MSH3: variants seen among roughly 807,000 people sequenced by gnomAD.
MSH3 encodes DNA mismatch repair protein Msh3.
In MSH3, 106 loss-of-function variants were observed where a neutral mutation model predicts 123.3. That is an observed-to-expected ratio of 0.86 (90% CI 0.73 to 1.01). MSH3 has a LOEUF of 1.01. Among genes scored for constraint, MSH3 ranks in the 50% least tolerant of loss-of-function variants. The probability of loss-of-function intolerance (pLI) is 0.00; values close to 1 mark genes in which losing one functional copy is unlikely to be tolerated. For synonymous variants in MSH3, 515 were observed against 481.4 expected (o/e 1.07, Z -0.91); for missense variants, 1,459 against 1,347.6 (o/e 1.08, Z -1.29).
intron 21 of MSH3, 116 bp from the exon 22 acceptor site, chr5:80,864,697 A>G (rs1055390454): frequency 2.3e-6 from 2 of 862,150 alleles, no homozygotes; most frequent in Admixed American, 2.2e-5. Context: ...TGGTCGTTGT[A>G]CTTTTCTTGT....
chr5:80,687,899 T>A (rs1750128910), intron 8 of MSH3, among the ~76,000 whole-genome samples: 1 of 152,022 alleles, frequency 6.6e-6, no homozygotes, highest in Non-Finnish European at 1.5e-5. Flanking sequence ...AAGAATCAGA[T>A]CAAGGAGCTT....
At chr5:80,746,452 G>T in intron 12 of MSH3, 1 of 489,928 alleles carries the variant, frequency 2.0e-6, no homozygotes. Context: ...CTCCTTGATT[G>T]TATTGGCAAC....
intron 8 of MSH3, among the ~76,000 whole-genome samples, chr5:80,691,787 A>T (rs1398040579): frequency 1.5e-5 from 1 of 66,612 alleles, no homozygotes; most frequent in East Asian, 3.7e-4. Flanking sequence ...ATATGTTTAT[A>T]TATTTATATA....
chr5:80,792,097 CAT>C (rs1237597644), intron 18 of MSH3, among the ~76,000 whole-genome samples: 1 of 152,138 alleles, frequency 6.6e-6, no homozygotes, highest in Non-Finnish European at 1.5e-5. Context: ...AAGTCCAACA[CAT>C]AGTTTATATT....
At chr5:80,660,347 T>C (rs1429059202) in intron 2 of MSH3, among the ~76,000 whole-genome samples, 2 of 152,140 alleles carry the variant, frequency 1.3e-5, no homozygotes, top group African/African-American at 2.4e-5. Flanking sequence ...ATGAGACTTA[T>C]TCACTATCAT....
At chr5:80,704,256 C>G (rs1226597542) in intron 8 of MSH3, among the ~76,000 whole-genome samples, 6 of 152,186 alleles carry the variant, frequency 3.9e-5, no homozygotes, top group Non-Finnish European at 8.8e-5. Flanking sequence ...ACTGTCCGTC[C>G]CTGCTCAGTC....
chr5:80,667,735 A>G (rs1332254509), intron 3 of MSH3, among the ~76,000 whole-genome samples: 1 of 152,196 alleles, frequency 6.6e-6, no homozygotes, highest in Non-Finnish European at 1.5e-5. Flanking sequence ...ACCAGGGAAC[A>G]CAGTGGCGCC....
chr5:80,854,145 C>A lies in MSH3; in HGVS notation c.2829C>A (p.Asp943Glu). 1 of 1,613,322 alleles carries A rather than the reference C, an allele frequency of 6.2e-7. No homozygotes were observed. Among genetic ancestry groups the A allele is most frequent in the Non-Finnish European group, 8.5e-7 (1 of 1,179,596 alleles). Residue 943 changes from aspartate (D) to glutamate (E), a missense_variant, in exon 21 of 24, where the codon GAC becomes GAA. Physicochemically the swap from Asp to Glu is conservative, Grantham distance 45. Coordinates refer to ENST00000265081, the MANE Select transcript of MSH3 (RefSeq NM_002439.5). ...TTGCTTGTAGGATGGGTGCTGCAGA[C>A]AATATATATAAAGGACAGAGTACAT... is the stretch of plus-strand genomic sequence containing the variant. ...DGIFTRMGAA[D>E]NIYKGQSTFM...
intron 15 of MSH3, among the ~76,000 whole-genome samples, chr5:80,770,278 T>TC (rs1171260153): frequency 1.3e-5 from 2 of 152,054 alleles, no homozygotes; most frequent in Non-Finnish European, 2.9e-5. Context: ...ACATTTTTTT[T>TC]TTTTTTTTTA....
intron 18 of MSH3, among the ~76,000 whole-genome samples, chr5:80,791,061 A>G (rs949324746): frequency 1.3e-5 from 2 of 152,212 alleles, no homozygotes; most frequent in Non-Finnish European, 2.9e-5. Flanking sequence ...ATATTTGGTG[A>G]CAAGAACCTG....
chr5:80,670,143 G>A lies in MSH3; in HGVS notation c.626G>A (p.Ser209Asn). The change falls in exon 4 of 24, where the codon AGT (serine) becomes AAT (asparagine). Residue 209 changes from serine (S) to asparagine (N), a missense_variant. Ser to Asn is a conservative substitution (Grantham distance 46). Coordinates refer to ENST00000265081, the MANE Select transcript of MSH3 (RefSeq NM_002439.5). ...AGTCAGTTTGGATCATCAAATACAAGTCATGAAAATTTACAGAAAACTGCT... is the reference window on the plus strand; with the variant it reads ...AGTCAGTTTGGATCATCAAATACAAATCATGAAAATTTACAGAAAACTGCT... ...DLSQFGSSNT[S>N]HENLQKTASK... 1.9e-6 allele frequency: 3 copies of A among 1,614,116 alleles called. No homozygotes were observed. The highest frequency in any genetic ancestry group is 2.5e-6 in the Non-Finnish European group (3 of 1,180,008).
Position 80,876,373 on chromosome 5 carries a change from TA to T in MSH3, c.*512del. 5.5e-6 allele frequency: 1 copy of T among 180,902 alleles called. No homozygotes were observed. The highest frequency in any genetic ancestry group is 1.2e-5 in the Non-Finnish European group (1 of 85,336). 11.2% of individuals were successfully genotyped at this position (180,902 alleles called of 1,614,324 possible). ...ATCCCAGCACTTTGGGAGGCCAAGG[TA>T]GGCAGATCACCTGAGGTCAGGAGTT... On this transcript the variant is annotated 3_prime_UTR_variant, in exon 24 of 24. Coordinates refer to ENST00000265081, the MANE Select transcript of MSH3 (RefSeq NM_002439.5).
chr5:80,720,378 GTCT>G (rs1212795606), intron 8 of MSH3, among the ~76,000 whole-genome samples: 4 of 151,938 alleles, frequency 2.6e-5, no homozygotes, highest in Admixed American at 6.6e-5. Context: ...CACGTTTTAG[GTCT>G]TCTTTGCCAA....
chr5:80,815,547 T>C (rs1000817989), intron 20 of MSH3, among the ~76,000 whole-genome samples: 5 of 152,324 alleles, frequency 3.3e-5, no homozygotes, highest in Middle Eastern at 3.4e-3. Context: ...CTACTTCTGG[T>C]GTTTCAGTGG....
At chr5:80,674,085 G>A (rs934850800) in intron 6 of MSH3, among the ~76,000 whole-genome samples, 1 of 152,190 alleles carries the variant, frequency 6.6e-6, no homozygotes, top group African/African-American at 2.4e-5. Flanking sequence ...TAACAGCCTT[G>A]TGTTGTTCTA....
At chr5:80,856,598 GT>G (rs1397231622) in intron 21 of MSH3, among the ~76,000 whole-genome samples, 2 of 151,698 alleles carry the variant, frequency 1.3e-5, no homozygotes, top group East Asian at 1.9e-4. Flanking sequence ...TATACCTAAT[GT>G]TAAATGACGA....
chr5:80,808,728 C>T (rs1377391482), intron 19 of MSH3, among the ~76,000 whole-genome samples: 1 of 151,434 alleles, frequency 6.6e-6, no homozygotes, highest in Non-Finnish European at 1.5e-5. Context: ...GCTCAAAGAA[C>T]ATATACATGA....
At chr5:80,763,917 C>T (rs1040760770) in intron 13 of MSH3, among the ~76,000 whole-genome samples, 8 of 152,210 alleles carry the variant, frequency 5.3e-5, no homozygotes, top group Non-Finnish European at 1.2e-4. Flanking sequence ...AGTTTACTAA[C>T]GGAACTTATA....
chr5:80,702,791 C>T (rs1312054415), intron 8 of MSH3, among the ~76,000 whole-genome samples: 2 of 152,014 alleles, frequency 1.3e-5, no homozygotes, highest in African/African-American at 2.4e-5. Flanking sequence ...GAAGGTGGAT[C>T]GCTTGAGCTC....
Sources: gnomAD v4.1 joint callset for allele counts (sites outside exome capture counted in the v4.1 genomes callset) on GRCh38, gnomAD v4.1.1 for gene constraint, MANE v1.5 for transcripts, NCBI Gene and HGNC (gene_info 2026-07-23, HGNC 2026-07-21) for gene names.